The following CDK13 variants were observed in gnomAD, a reference collection of about 807,000 sequenced individuals.
CDK13 encodes the protein cyclin dependent kinase 13.
Under a neutral mutation model 137.6 loss-of-function variants are expected in CDK13, and 40 were observed. That is an observed-to-expected ratio of 0.29 (90% CI 0.23 to 0.38). The LOEUF (loss-of-function observed/expected upper bound fraction) is 0.38, where lower values mean the gene tolerates loss of function less well. Ranked by LOEUF, CDK13 falls within the 10% of genes least tolerant of loss-of-function variation. The pLI is 1.00. For synonymous variants in CDK13, 869 were observed against 760.1 expected, an observed-to-expected ratio of 1.14 and a Z score of -2.36; for missense variants, 1,704 against 1,951.8, an observed-to-expected ratio of 0.87 and a Z score of 2.39.
In CDK13 at chr7:40,046,120, C is replaced by T. The variant is rs879309270; in HGVS notation, c.2543+95C>T. 108 of 804,034 alleles carry T rather than the reference C, an allele frequency of 1.3e-4. 1 individual carries two copies. Among genetic ancestry groups the T allele is most frequent in the Middle Eastern group, 3.9e-4 (1 of 2,568 alleles). The allele number at this position is 804,034 out of a possible 1,614,324, so 49.8% of individuals were successfully genotyped here. On this transcript the variant is annotated intron_variant, in intron 6 of 13. Transcript: ENST00000181839. ...TGGAAACCGTAGCGGCGGGGAATGT[C>T]GGGGGTGGTGAGCGTTGAAAGTTAC...
intron 9 of CDK13, chr7:40,069,420 G>C (rs749653352): frequency 7.4e-6 from 3 of 404,206 alleles, no homozygotes; most frequent in African/African-American, 2.1e-5. Context: ...TCTAATGCCA[G>C]CTCAGCTACT....
At chr7:40,044,737 T>C (rs1785697282) in intron 5 of CDK13, among the ~76,000 whole-genome samples, 1 of 151,442 alleles carries the variant, frequency 6.6e-6, no homozygotes, top group Non-Finnish European at 1.5e-5. Flanking sequence ...CCCGGGTTCA[T>C]GCCATTCTCC....
chr7:40,010,809 A>G (rs551079964), intron 5 of CDK13, among the ~76,000 whole-genome samples: 213 of 152,204 alleles, frequency 1.4e-3, no homozygotes, highest in Non-Finnish European at 2.3e-3. Flanking sequence ...GTTAGAACTA[A>G]TAAGTAAGTT....
At chr7:40,053,188 T>TA (rs576999407) in intron 7 of CDK13, among the ~76,000 whole-genome samples, 379 of 152,270 alleles carry the variant, frequency 2.5e-3, no homozygotes, top group Non-Finnish European at 4.2e-3. Flanking sequence ...GCTGAATACT[T>TA]ACAAAACTGA....
rs1787041688 is a variant in CDK13, at chr7:40,096,124, C to T, written c.*1144C>T. On this transcript the variant is annotated 3_prime_UTR_variant, in exon 14 of 14. Transcript: ENST00000181839. ...GAACTTGCCTAAATGTGTTAAAGTT[C>T]ATGGGGGAGGGGTGGCAAATACCGT... is the stretch of plus-strand genomic sequence containing the variant. The T allele has an allele frequency of 6.6e-6, 1 of 152,044 alleles. No homozygotes were observed. Among genetic ancestry groups the T allele is most frequent in the Non-Finnish European group, 1.5e-5 (1 of 68,010 alleles). 9.4% of individuals were successfully genotyped at this position (152,044 alleles called of 1,614,324 possible).
In CDK13 at chr7:40,095,400, A is replaced by G. The variant is rs1787026602; in HGVS notation, c.*420A>G. 6.5e-6 allele frequency: 1 copy of G among 153,264 alleles called. No homozygotes were observed. Among genetic ancestry groups the G allele is most frequent in the African/African-American group, 2.4e-5 (1 of 41,444 alleles). 9.5% of individuals were successfully genotyped at this position (153,264 alleles called of 1,614,324 possible). ...CAACAATCAGAAAGGGCACTGATTTATTTGGTATTTTTCTTTTTACAAAGC... is the reference window on the plus strand; with the variant it reads ...CAACAATCAGAAAGGGCACTGATTTGTTTGGTATTTTTCTTTTTACAAAGC... On this transcript the variant is annotated 3_prime_UTR_variant, in exon 14 of 14. Transcript: ENST00000181839.
At position 39,951,395 on chromosome 7, in the gene CDK13, A is replaced by T. The variant is rs890033829; in HGVS notation, c.754A>T (p.Ser252Cys). Reference sequence around the variant, plus strand: ...CGAGGTCGCCAAGAGCGGCAGCAGCAGCAGCAGCGGCGGCCGCCGGAAAAG... The same window carrying T: ...CGAGGTCGCCAAGAGCGGCAGCAGCTGCAGCAGCGGCGGCCGCCGGAAAAG... ...RAEVAKSGSS[S>C]SSGGRRKSAS... Residue 252 changes from serine (S) to cysteine (C), a missense_variant, in exon 1 of 14, where the codon AGC becomes TGC. Transcript: ENST00000181839. The T allele has an allele frequency of 3.9e-6, 6 of 1,525,854 alleles. No homozygotes were observed. The highest frequency in any genetic ancestry group is 5.3e-6 in the Non-Finnish European group (6 of 1,139,566). The allele number at this position is 1,525,854 out of a possible 1,614,324, so 94.5% of individuals were successfully genotyped here. A position where few individuals can be genotyped will look rare whatever the true frequency, so the allele number is the denominator to read the frequency against.
chr7:39,970,341 C>T (rs917890071), intron 1 of CDK13, among the ~76,000 whole-genome samples: 4 of 151,898 alleles, frequency 2.6e-5, no homozygotes, highest in African/African-American at 7.3e-5. Flanking sequence ...TTTGCCTAAC[C>T]CACAGTAACA....
chr7:40,002,247 T>TA, intron 5 of CDK13: 1 of 363,438 alleles, frequency 2.8e-6, no homozygotes. Flanking sequence ...ATATTACACA[T>TA]AAAGTATTCA....
At chr7:40,007,583 A>AC (rs1240800227) in intron 5 of CDK13, among the ~76,000 whole-genome samples, 2 of 151,758 alleles carry the variant, frequency 1.3e-5, no homozygotes, top group East Asian at 3.9e-4. Context: ...CCGCCACCAC[A>AC]CCCAGCTAAT....
intron 1 of CDK13, among the ~76,000 whole-genome samples, chr7:39,977,501 C>T (rs574562059): frequency 2.0e-5 from 3 of 152,250 alleles, no homozygotes; most frequent in Non-Finnish European, 4.4e-5. Context: ...GGACAAGTAC[C>T]AGCTCTAGCT....
At chr7:40,024,750 G>A (rs933145740) in intron 5 of CDK13, among the ~76,000 whole-genome samples, 1 of 133,996 alleles carries the variant, frequency 7.5e-6, no homozygotes, top group Non-Finnish European at 1.6e-5. Context: ...TGCAGCCTCC[G>A]CCTCCCGGGT....
intron 5 of CDK13, among the ~76,000 whole-genome samples, chr7:40,018,966 G>A (rs897471498): frequency 3.9e-5 from 6 of 152,076 alleles, no homozygotes; most frequent in African/African-American, 1.2e-4. Context: ...ATAACAAAAC[G>A]TTAGCATCAA....
At position 40,098,742 on chromosome 7, in the gene CDK13, A is replaced by G. The variant is rs911326447; in HGVS notation, c.*3762A>G. The stretch of plus-strand genomic sequence containing the variant: ...TCTGCAGTAAATACTTAACTTTTTA[A>G]TAGGGAAATTGCTTCAAGATAACTT... On this transcript the variant is annotated 3_prime_UTR_variant, in exon 14 of 14. Coordinates refer to ENST00000181839, the MANE Select transcript of CDK13 (RefSeq NM_003718.5). 6.6e-6 allele frequency: 1 copy of G among 152,116 alleles called. No individual in the cohort carries two copies. The highest frequency in any genetic ancestry group is 2.4e-5 in the African/African-American group (1 of 41,452). The allele number at this position is 152,116 out of a possible 1,614,324, so 9.4% of individuals were successfully genotyped here. A position where few individuals can be genotyped will look rare whatever the true frequency, so the allele number is the denominator to read the frequency against.
intron 5 of CDK13, among the ~76,000 whole-genome samples, chr7:40,021,605 G>A (rs1288979374): frequency 6.6e-6 from 1 of 151,612 alleles, no homozygotes; most frequent in African/African-American, 2.4e-5. Flanking sequence ...ACTTTTTTTT[G>A]AAAACTAGTT....
At chr7:39,973,984 T>G (rs1784053740) in intron 1 of CDK13, among the ~76,000 whole-genome samples, 2 of 152,216 alleles carry the variant, frequency 1.3e-5, no homozygotes, top group African/African-American at 4.8e-5. Flanking sequence ...TTGCTTACTC[T>G]GATTTTGCAG....
intron 2 of CDK13, among the ~76,000 whole-genome samples, chr7:39,990,265 T>C (rs1427976728): frequency 6.6e-6 from 1 of 152,148 alleles, no homozygotes; most frequent in Non-Finnish European, 1.5e-5. Context: ...CTGTCTCCTC[T>C]CCTTTTCCCC....
At chr7:40,032,046 C>T (rs1785392318) in intron 5 of CDK13, among the ~76,000 whole-genome samples, 1 of 151,842 alleles carries the variant, frequency 6.6e-6, no homozygotes, top group South Asian at 2.1e-4. Flanking sequence ...TTTTGAAGAG[C>T]AGAAGTTGTT....
intron 2 of CDK13, among the ~76,000 whole-genome samples, chr7:39,992,305 C>G (rs1468822811): frequency 6.6e-6 from 1 of 152,000 alleles, no homozygotes; most frequent in Non-Finnish European, 1.5e-5. Context: ...TCAAGCAGTT[C>G]CCCTGCCTCA....
Sources: gnomAD v4.1 joint callset for allele counts (sites outside exome capture counted in the v4.1 genomes callset) on GRCh38, gnomAD v4.1.1 for gene constraint, MANE v1.5 for transcripts, NCBI Gene and HGNC (gene_info 2026-07-23, HGNC 2026-07-21) for gene names.